Variants in LPP observed in about 807,000 individuals in gnomAD.
The protein encoded by LPP is lipoma-preferred partner.
A neutral mutation model predicts 60.4 loss-of-function variants in LPP; 38 were observed. That is an observed-to-expected ratio of 0.63 (90% CI 0.49 to 0.83). The LOEUF (loss-of-function observed/expected upper bound fraction) is 0.83. Among genes scored for constraint, LPP ranks in the 40% least tolerant of loss-of-function variants. LPP has a pLI of 0.00. For synonymous variants in LPP, 328 were observed against 290.8 expected, an observed-to-expected ratio of 1.13 and a Z score of -1.30; for missense variants, 902 against 783.6, an observed-to-expected ratio of 1.15 and a Z score of -1.80.
intron 7 of LPP, among the ~76,000 whole-genome samples, chr3:188,640,513 TATA>T (rs147449468): frequency 0.068 from 9,618 of 141,820 alleles, 662 homozygotes; most frequent in African/African-American, 0.18. Context: ...AAACTTAAAG[TATA>T]ATAATAATAA....
chr3:188,361,047 G>T (rs1439064446), intron 3 of LPP, among the ~76,000 whole-genome samples: 2 of 152,202 alleles, frequency 1.3e-5, no homozygotes, highest in Admixed American at 6.5e-5. Flanking sequence ...AGGCATGAAA[G>T]AAATGCTGCT....
intron 5 of LPP, among the ~76,000 whole-genome samples, chr3:188,488,903 C>T (rs539135951): frequency 2.2e-4 from 34 of 152,274 alleles, no homozygotes; most frequent in Middle Eastern, 3.4e-3. Flanking sequence ...TCCCAAAGTG[C>T]TGGGATTACA....
chr3:188,522,073 T>C (rs965184584), intron 5 of LPP, among the ~76,000 whole-genome samples: 1 of 152,214 alleles, frequency 6.6e-6, no homozygotes, highest in Admixed American at 6.5e-5. Flanking sequence ...TACTGCCCTT[T>C]GATATAAACA....
At chr3:188,225,170 A>C (rs544640702) in intron 1 of LPP, among the ~76,000 whole-genome samples, 1 of 152,276 alleles carries the variant, frequency 6.6e-6, no homozygotes, top group East Asian at 1.9e-4. Context: ...TATTAAGATG[A>C]AGCTGTTTTC....
At chr3:188,336,223 C>T (rs1187732231) in intron 2 of LPP, among the ~76,000 whole-genome samples, 1 of 152,100 alleles carries the variant, frequency 6.6e-6, no homozygotes, top group African/African-American at 2.4e-5. Flanking sequence ...GGTGCAGGTG[C>T]TTGAAGTGGC....
chr3:188,856,152 T>C (rs1160256436), intron 9 of LPP, among the ~76,000 whole-genome samples: 1 of 152,188 alleles, frequency 6.6e-6, no homozygotes, highest in Non-Finnish European at 1.5e-5. Flanking sequence ...TGCCGCAAAC[T>C]AGACAGAGAA....
chr3:188,790,158 A>G (rs1743226729), intron 9 of LPP, among the ~76,000 whole-genome samples: 1 of 152,344 alleles, frequency 6.6e-6, no homozygotes, highest in East Asian at 1.9e-4. Flanking sequence ...AATAAAGTAC[A>G]GCAACTGCAT....
chr3:188,303,276 C>T (rs1750510586), intron 2 of LPP, among the ~76,000 whole-genome samples: 1 of 152,176 alleles, frequency 6.6e-6, no homozygotes, highest in African/African-American at 2.4e-5. Context: ...TTCACAAAAA[C>T]ATGCAGTAGG....
intron 6 of LPP, among the ~76,000 whole-genome samples, chr3:188,596,763 C>A (rs746551762): frequency 6.6e-6 from 1 of 152,124 alleles, no homozygotes; most frequent in Non-Finnish European, 1.5e-5. Context: ...TAACACACCA[C>A]CTATTCCTTT....
intron 9 of LPP, among the ~76,000 whole-genome samples, chr3:188,797,532 T>C (rs1385774095): frequency 6.6e-6 from 1 of 152,186 alleles, no homozygotes; most frequent in African/African-American, 2.4e-5. Context: ...TCATCTGGCA[T>C]ATCCTACACT....
chr3:188,530,276 A>G (rs1346169121), intron 6 of LPP, among the ~76,000 whole-genome samples: 1 of 152,220 alleles, frequency 6.6e-6, no homozygotes, highest in Admixed American at 6.5e-5. Flanking sequence ...TTTTGGAGTA[A>G]TGACTTTAGC....
chr3:188,659,708 A>G (rs998498737), intron 7 of LPP, among the ~76,000 whole-genome samples: 17 of 152,108 alleles, frequency 1.1e-4, no homozygotes, highest in African/African-American at 3.6e-4. Flanking sequence ...GGATCTTGCT[A>G]TCAGCCTTCT....
intron 6 of LPP, among the ~76,000 whole-genome samples, chr3:188,599,866 T>C (rs1840776248): frequency 6.6e-6 from 1 of 151,858 alleles, no homozygotes; most frequent in Non-Finnish European, 1.5e-5. Context: ...TTGAACTCGG[T>C]GGCACCAACT....
At chr3:188,307,296 C>G (rs1023562158) in intron 2 of LPP, among the ~76,000 whole-genome samples, 1 of 152,130 alleles carries the variant, frequency 6.6e-6, no homozygotes, top group African/African-American at 2.4e-5. Context: ...GGATCTCAGT[C>G]CTGGTGGTAT....
chr3:188,494,126 A>G lies in LPP; in HGVS notation c.306+9422A>G, dbSNP rs560656460. ...GGGTATATACGTTCAGTCTTCAACC[A>G]TATATGTAATTAGGGGATGCAGGCC... is the stretch of plus-strand genomic sequence containing the variant. On this transcript the variant is annotated intron_variant, in intron 5 of 11. Transcript: ENST00000617246. Among the ~76,000 whole-genome samples the G allele has an allele frequency of 5.3e-5, 8 of 152,296 alleles. No homozygotes were observed. In the East Asian group the frequency reaches 1.4e-3, roughly 26 times the overall value.
intron 7 of LPP, among the ~76,000 whole-genome samples, chr3:188,639,912 T>C (rs1219595080): frequency 1.3e-5 from 2 of 151,990 alleles, no homozygotes; most frequent in Non-Finnish European, 2.9e-5. Context: ...ACTTTTACAC[T>C]GTTGGTGGGA....
intron 9 of LPP, among the ~76,000 whole-genome samples, chr3:188,813,313 A>G (rs1751591927): frequency 6.6e-6 from 1 of 152,174 alleles, no homozygotes; most frequent in Admixed American, 6.5e-5. Flanking sequence ...CTTCAGTGAT[A>G]TTATTTGATG....
intron 3 of LPP, among the ~76,000 whole-genome samples, chr3:188,360,522 C>A (rs1004684713): frequency 6.6e-6 from 1 of 151,418 alleles, no homozygotes; most frequent in Non-Finnish European, 1.5e-5. Context: ...AATTACATAA[C>A]TTTTTTTTTC....
chr3:188,310,659 A>AT (rs370483017), intron 2 of LPP, among the ~76,000 whole-genome samples: 1 of 152,238 alleles, frequency 6.6e-6, no homozygotes, highest in Middle Eastern at 3.4e-3. Context: ...GTTGAAATAG[A>AT]TTTTTTTAAA....
Sources: gnomAD v4.1 joint callset for allele counts (sites outside exome capture counted in the v4.1 genomes callset) on GRCh38, gnomAD v4.1.1 for gene constraint, MANE v1.5 for transcripts, NCBI Gene and HGNC (gene_info 2026-07-23, HGNC 2026-07-21) for gene names.